Variants in DLG2 observed in about 807,000 individuals in gnomAD.
DLG2 encodes disks large homolog 2.
Under a neutral mutation model 132.5 loss-of-function variants are expected in DLG2, and 45 were observed. The observed-to-expected ratio is 0.34, with a 90% CI of 0.27 to 0.44. The LOEUF is 0.44. Ranked by LOEUF, DLG2 falls within the 20% of genes least tolerant of loss-of-function variation. DLG2 has a pLI of 1.00. For missense variants in DLG2, 1,045 were observed against 1,196.9 expected (o/e 0.87, Z 1.87); for synonymous variants, 424 against 419.6 (o/e 1.01, Z -0.13).
chr11:83,489,094 A>G (rs968812336), intron 21 of DLG2, among the ~76,000 whole-genome samples: 1 of 152,016 alleles, frequency 6.6e-6, no homozygotes, highest in African/African-American at 2.4e-5. Flanking sequence ...AGCTGCTACA[A>G]TCACAAAGAG....
intron 6 of DLG2, among the ~76,000 whole-genome samples, chr11:84,566,857 C>T (rs1284555219): frequency 3.3e-5 from 5 of 152,244 alleles, no homozygotes; most frequent in Admixed American, 2.6e-4. Context: ...AGTCCTTTCT[C>T]GAGTCTGCAG....
intron 6 of DLG2, among the ~76,000 whole-genome samples, chr11:85,083,511 T>C (rs1593864515): frequency 6.6e-6 from 1 of 152,280 alleles, no homozygotes; most frequent in East Asian, 1.9e-4. Flanking sequence ...GTGCCCAAGG[T>C]GGTCAGGCTC....
chr11:84,975,838 C>T (rs2054824637), intron 6 of DLG2, among the ~76,000 whole-genome samples: 1 of 152,170 alleles, frequency 6.6e-6, no homozygotes, highest in South Asian at 2.1e-4. Context: ...CACCTCACTC[C>T]CCAGATTTCG....
At chr11:84,849,833 C>T (rs1304003948) in intron 6 of DLG2, among the ~76,000 whole-genome samples, 1 of 152,028 alleles carries the variant, frequency 6.6e-6, no homozygotes, top group Admixed American at 6.6e-5. Context: ...CTATCTTTTT[C>T]ACTGCTGTGT....
At chr11:85,036,346 C>T (rs531413751) in intron 6 of DLG2, among the ~76,000 whole-genome samples, 15 of 152,204 alleles carry the variant, frequency 9.9e-5, no homozygotes, top group African/African-American at 3.4e-4. Flanking sequence ...TCCTTCTCCC[C>T]ATCTCCCACC....
intron 6 of DLG2, among the ~76,000 whole-genome samples, chr11:85,071,388 T>C (rs2065842506): frequency 6.6e-6 from 1 of 151,846 alleles, no homozygotes; most frequent in African/African-American, 2.4e-5. Flanking sequence ...GATTTGGCTG[T>C]GAATTATTAA....
intron 7 of DLG2, among the ~76,000 whole-genome samples, chr11:84,362,984 C>A (rs1445830887): frequency 1.3e-5 from 2 of 151,912 alleles, no homozygotes; most frequent in Non-Finnish European, 2.9e-5. Flanking sequence ...GTGCATGTGT[C>A]TTTATAGCAG....
chr11:85,284,217 C>T (rs2078416380), intron 4 of DLG2, among the ~76,000 whole-genome samples: 1 of 151,350 alleles, frequency 6.6e-6, no homozygotes, highest in Non-Finnish European at 1.5e-5. Context: ...TATTTTTATG[C>T]TTTTAAGTAT....
intron 11 of DLG2, among the ~76,000 whole-genome samples, chr11:83,981,447 A>AT (rs2092770036): frequency 6.6e-6 from 1 of 152,190 alleles, no homozygotes; most frequent in Non-Finnish European, 1.5e-5. Flanking sequence ...TAATTAATTA[A>AT]TTAATTTAAT....
intron 7 of DLG2, among the ~76,000 whole-genome samples, chr11:84,452,192 GGAC>G (rs2099053533): frequency 6.6e-6 from 1 of 151,222 alleles, no homozygotes; most frequent in South Asian, 2.1e-4. Context: ...AGGAGGAGGA[GGAC>G]GACGATGAAG....
chr11:85,200,098 G>T (rs996691544), intron 4 of DLG2, among the ~76,000 whole-genome samples: 2 of 152,004 alleles, frequency 1.3e-5, no homozygotes, highest in African/African-American at 4.8e-5. Context: ...ATTCAGATAG[G>T]AGGTTGTAAA....
chr11:84,384,357 T>C (rs1057441778), intron 7 of DLG2, among the ~76,000 whole-genome samples: 2 of 152,064 alleles, frequency 1.3e-5, no homozygotes, highest in African/African-American at 2.4e-5. Flanking sequence ...TAATTTCTCA[T>C]GGTTCATATG....
rs184373954 is a variant in DLG2, at chr11:85,077,780, G to A, written c.357+33881C>T. Among the ~76,000 whole-genome samples, 21 of 152,058 alleles carry A rather than the reference G, an allele frequency of 1.4e-4. No homozygotes were observed. In the East Asian group the frequency reaches 3.1e-3, roughly 23 times the overall value. The stretch of plus-strand genomic sequence containing the variant: ...GAAAAGTCAAGTTCTTTTTTCCTGC[G>A]TTACATATGTAGACCAGTTCTTGGC... On this transcript the variant is annotated intron_variant, in intron 6 of 27. Coordinates refer to ENST00000376104, the MANE Select transcript of DLG2 (RefSeq NM_001142699.3).
intron 7 of DLG2, among the ~76,000 whole-genome samples, chr11:84,355,071 T>C (rs926433290): frequency 1.3e-5 from 2 of 152,032 alleles, no homozygotes; most frequent in Non-Finnish European, 2.9e-5. Context: ...TAGTTCACAG[T>C]GTATAGTTCT....
intron 6 of DLG2, among the ~76,000 whole-genome samples, chr11:84,719,323 G>A (rs1419752350): frequency 1.3e-5 from 2 of 152,184 alleles, no homozygotes; most frequent in Non-Finnish European, 2.9e-5. Flanking sequence ...TCAAACTTCA[G>A]TTATTTCAGA....
intron 4 of DLG2, among the ~76,000 whole-genome samples, chr11:85,173,295 C>G (rs1278236046): frequency 6.6e-6 from 1 of 152,136 alleles, no homozygotes; most frequent in African/African-American, 2.4e-5. Context: ...ACCCTACAAA[C>G]CAGAAGAGAT....
chr11:85,466,347 G>A (rs1033276842), intron 3 of DLG2, among the ~76,000 whole-genome samples: 33 of 152,112 alleles, frequency 2.2e-4, no homozygotes, highest in African/African-American at 6.8e-4. Context: ...GGCTTTTGTT[G>A]CCATTGCTTT....
chr11:84,796,417 T>C (rs1000261212), intron 6 of DLG2, among the ~76,000 whole-genome samples: 1 of 152,234 alleles, frequency 6.6e-6, no homozygotes, highest in Non-Finnish European at 1.5e-5. Context: ...CTTAAGATAT[T>C]AGTAGTTTGC....
At chr11:85,438,475 A>G (rs946547897) in intron 3 of DLG2, among the ~76,000 whole-genome samples, 4 of 152,192 alleles carry the variant, frequency 2.6e-5, no homozygotes, top group Non-Finnish European at 4.4e-5. Flanking sequence ...GTAAATATGT[A>G]TATATCCATT....
Sources: gnomAD v4.1 joint callset for allele counts (sites outside exome capture counted in the v4.1 genomes callset) on GRCh38, gnomAD v4.1.1 for gene constraint, MANE v1.5 for transcripts, NCBI Gene and HGNC (gene_info 2026-07-23, HGNC 2026-07-21) for gene names.